Variants in ERAP1 observed in about 807,000 individuals in gnomAD.
The protein encoded by ERAP1 is adipocyte-derived leucine aminopeptidase.
In ERAP1, 86 loss-of-function variants were observed where a neutral mutation model predicts 103.7. That is an observed-to-expected ratio of 0.83 (90% CI 0.70 to 0.99). The LOEUF is 0.99. Among genes scored for constraint, ERAP1 ranks in the 50% least tolerant of loss-of-function variants. ERAP1 has a pLI of 0.00. For synonymous variants in ERAP1, 398 were observed against 402.4 expected, an observed-to-expected ratio of 0.99 and a Z score of 0.13; for missense variants, 1,009 against 1,128.4, an observed-to-expected ratio of 0.89 and a Z score of 1.52.
chr5:96,865,546 T>C, the ERAP1 span, among the ~76,000 whole-genome samples: 1 of 152,218 alleles, frequency 6.6e-6, no homozygotes. Flanking sequence ...AAGTAATACA[T>C]CTGAGGTTTT....
At chr5:96,879,728 A>G in the ERAP1 span, 6 of 1,614,078 alleles carry the variant, frequency 3.7e-6, no homozygotes, top group African/African-American at 4.0e-5. Context: ...CAGAAAACCA[A>G]TGTTTAACAT....
At chr5:96,771,521 T>G (rs531125903), downstream of ERAP1, 21 of 646,580 alleles carry the variant, frequency 3.2e-5, no homozygotes, top group South Asian at 4.4e-4. Context: ...GAAGAGAAAC[T>G]GAAAGGACCA....
At position 96,783,210 on chromosome 5, in the gene ERAP1, T is replaced by A. The variant is rs760129777; in HGVS notation, c.2126A>T (p.Asp709Val). 6.2e-7 allele frequency: 1 copy of A among 1,612,508 alleles called. No individual in the cohort carries two copies. Among genetic ancestry groups the A allele is most frequent in the African/African-American group, 1.3e-5 (1 of 74,996 alleles). The change falls in exon 15 of 19, where the codon GAC (aspartate) becomes GTC (valine). Residue 709 changes from aspartate (D) to valine (V), a missense_variant. Asp to Val is a radical substitution (Grantham distance 152). This residue lies in a region of ERAP1 where 611 missense variants were observed against 651.7 expected (regional missense o/e 0.94). Transcript: ENST00000443439. ...TGTCCATGTCTGCTTATCAATGAGG[T>A]CCCTTAGCAGCCTGATGAGGAAGGC... ...FKAFLIRLLRDLIDKQTWTDE... is the reference protein window; with the variant it reads ...FKAFLIRLLRVLIDKQTWTDE...
At chr5:96,770,397 A>G (rs1456283444), downstream of ERAP1, 3 of 608,476 alleles carry the variant, frequency 4.9e-6, no homozygotes, top group African/African-American at 1.9e-5. Context: ...AAATCATGAA[A>G]AAACACCCAA....
the ERAP1 span, among the ~76,000 whole-genome samples, chr5:96,904,272 A>T: frequency 6.6e-6 from 1 of 152,214 alleles, no homozygotes; most frequent in African/African-American, 2.4e-5. Context: ...ATCAGGTCAC[A>T]AGATCACCAA....
the ERAP1 span, among the ~76,000 whole-genome samples, chr5:96,913,102 A>G: frequency 1.3e-5 from 2 of 152,238 alleles, no homozygotes; most frequent in Non-Finnish European, 2.9e-5. Flanking sequence ...GATGCTAATC[A>G]AACTTATTTG....
chr5:96,852,273 A>T, the ERAP1 span, among the ~76,000 whole-genome samples: 4 of 152,178 alleles, frequency 2.6e-5, no homozygotes, highest in African/African-American at 9.7e-5. Context: ...ATGAGAAAGG[A>T]TGCTAACATG....
chr5:96,852,741 C>A, the ERAP1 span, among the ~76,000 whole-genome samples: 8 of 152,108 alleles, frequency 5.3e-5, no homozygotes, highest in Admixed American at 5.2e-4. Flanking sequence ...TTTAGCTTTA[C>A]AATGTTCAGA....
chr5:96,760,862 CAATA>C (rs971782751), exon 20 of ERAP1: 8 of 151,466 alleles, frequency 5.3e-5, no homozygotes, highest in African/African-American at 1.9e-4. Flanking sequence ...TTTTATAACT[CAATA>C]AAATTATTCA....
At position 96,774,766 on chromosome 5, in the gene ERAP1, C is replaced by T. The variant is rs1163180796; in HGVS notation, c.*1630G>A. 1 of 983,538 alleles carries T rather than the reference C, an allele frequency of 1.0e-6. No homozygotes were observed. Among genetic ancestry groups the T allele is most frequent in the Non-Finnish European group, 1.2e-6 (1 of 828,350 alleles). The allele number at this position is 983,538 out of a possible 1,614,324, so 60.9% of individuals were successfully genotyped here. ...CCAGTGATTTCTATTTTTATTAAAC[C>T]ATTCACTACAACAAATAAGTATAAA... On this transcript the variant is annotated 3_prime_UTR_variant, in exon 19 of 19. Coordinates refer to ENST00000443439, the MANE Select transcript of ERAP1 (RefSeq NM_001040458.3).
chr5:96,770,663 C>A, downstream of ERAP1: 1 of 1,090,492 alleles, frequency 9.2e-7, no homozygotes, highest in South Asian at 1.3e-5. Context: ...TAGGGTTTAT[C>A]ATTTCAGTCA....
At chr5:96,932,897 G>A in the ERAP1 span, among the ~76,000 whole-genome samples, 1 of 152,166 alleles carries the variant, frequency 6.6e-6, no homozygotes, top group Non-Finnish European at 1.5e-5. Flanking sequence ...GAAGACAGTA[G>A]ATGGGTATAG....
the ERAP1 span, among the ~76,000 whole-genome samples, chr5:96,926,150 T>G: frequency 6.6e-6 from 1 of 152,308 alleles, no homozygotes; most frequent in African/African-American, 2.4e-5. Context: ...GACCTCATGA[T>G]CTGTCCACCT....
At chr5:96,794,207 AG>A (rs554990718) in intron 5 of ERAP1, among the ~76,000 whole-genome samples, 55 of 129,726 alleles carry the variant, frequency 4.2e-4, no homozygotes, top group African/African-American at 1.5e-3. Flanking sequence ...TTTGGAAACA[AG>A]GTCCCACTCT....
At chr5:96,905,696 C>A in the ERAP1 span, among the ~76,000 whole-genome samples, 1 of 152,016 alleles carries the variant, frequency 6.6e-6, no homozygotes, top group African/African-American at 2.4e-5. Flanking sequence ...TCAGCCTGGG[C>A]AACATAGTGA....
chr5:96,783,386 A>G, intron 14 of ERAP1, 151 bp from the exon 15 acceptor site: 1 of 615,064 alleles, frequency 1.6e-6, no homozygotes, highest in South Asian at 3.0e-5. Flanking sequence ...TTTAATTATA[A>G]AAGGGCCAAA....
At chr5:96,935,321 C>G in the ERAP1 span, 3 of 152,294 alleles carry the variant, frequency 2.0e-5, no homozygotes, top group African/African-American at 7.2e-5. Context: ...GACTGGACCC[C>G]AGGGCGCCCT....
At chr5:96,924,674 T>C in the ERAP1 span, among the ~76,000 whole-genome samples, 6,109 of 151,780 alleles carry the variant, frequency 0.04, 394 homozygotes, top group African/African-American at 0.14. Flanking sequence ...CTCGGCTCAC[T>C]GCAACCTCCA....
chr5:96,911,807 C>G, the ERAP1 span, among the ~76,000 whole-genome samples: 1 of 141,458 alleles, frequency 7.1e-6, no homozygotes, highest in Non-Finnish European at 1.5e-5. Context: ...GCTGAGGCTA[C>G]AGTGAGCCAT....
Sources: gnomAD v4.1 joint callset for allele counts (sites outside exome capture counted in the v4.1 genomes callset) on GRCh38, gnomAD v4.1.1 for gene constraint, gnomAD v4.1.1 regional missense constraint, MANE v1.5 for transcripts, NCBI Gene and HGNC (gene_info 2026-07-23, HGNC 2026-07-21) for gene names.